Variants in SLC4A4 observed in about 807,000 individuals in gnomAD.
The protein encoded by SLC4A4 is electrogenic sodium bicarbonate cotransporter 1.
SLC4A4 carries 27 observed loss-of-function variants against 111.5 expected under a neutral mutation model. That is an observed-to-expected ratio of 0.24 (90% CI 0.18 to 0.33). The LOEUF (loss-of-function observed/expected upper bound fraction) is 0.33, where lower values mean the gene tolerates loss of function less well. Ranked by LOEUF, SLC4A4 falls within the 10% of genes least tolerant of loss-of-function variation. SLC4A4 has a pLI of 1.00. For synonymous variants in SLC4A4, 443 were observed against 463.4 expected, an observed-to-expected ratio of 0.96 and a Z score of 0.57; for missense variants, 909 against 1,315.5, an observed-to-expected ratio of 0.69 and a Z score of 4.78.
chr4:71,545,427 T>TTCCC (rs1253830990), intron 18 of SLC4A4, among the ~76,000 whole-genome samples: 1 of 152,050 alleles, frequency 6.6e-6, no homozygotes, highest in African/African-American at 2.4e-5. Flanking sequence ...GCACTGCTGC[T>TTCCC]TCCCTGCTGT....
intron 7 of SLC4A4, among the ~76,000 whole-genome samples, chr4:71,435,816 A>G (rs1724085308): frequency 6.6e-6 from 1 of 152,270 alleles, no homozygotes; most frequent in Admixed American, 6.5e-5. Context: ...AAAGCTCATC[A>G]TCACTGGTCA....
intron 2 of SLC4A4, among the ~76,000 whole-genome samples, chr4:71,168,907 A>G (rs903340912): frequency 2.6e-5 from 4 of 152,206 alleles, no homozygotes; most frequent in Non-Finnish European, 5.9e-5. Flanking sequence ...CACTGCTGCA[A>G]TAAACATGGG....
chr4:71,109,442 C>T (rs1743030448), intron 2 of SLC4A4, among the ~76,000 whole-genome samples: 1 of 152,198 alleles, frequency 6.6e-6, no homozygotes, highest in Admixed American at 6.5e-5. Flanking sequence ...ATAATGGCCA[C>T]TGCCTCCCTG....
chr4:71,345,920 C>A (rs549603101), intron 4 of SLC4A4, among the ~76,000 whole-genome samples: 3 of 151,946 alleles, frequency 2.0e-5, no homozygotes, highest in Non-Finnish European at 2.9e-5. Flanking sequence ...TCATTTTTCC[C>A]AGGTACACAC....
chr4:71,134,499 C>T (rs1743792603), intron 2 of SLC4A4, among the ~76,000 whole-genome samples: 1 of 152,218 alleles, frequency 6.6e-6, no homozygotes. Context: ...GTTTCTGTAT[C>T]CTCATTCTGG....
chr4:71,150,872 T>A (rs1744297877), intron 2 of SLC4A4, among the ~76,000 whole-genome samples: 1 of 152,144 alleles, frequency 6.6e-6, no homozygotes. Context: ...AGGTCTGGAA[T>A]CTGGGGATGT....
chr4:71,150,119 A>AAAAG (rs1484033711), intron 2 of SLC4A4, among the ~76,000 whole-genome samples: 1 of 152,188 alleles, frequency 6.6e-6, no homozygotes, highest in Non-Finnish European at 1.5e-5. Context: ...TTATGACTGA[A>AAAAG]AAAGAAAATA....
intron 6 of SLC4A4, among the ~76,000 whole-genome samples, chr4:71,391,043 G>A (rs1026090650): frequency 1.2e-4 from 18 of 151,946 alleles, no homozygotes; most frequent in African/African-American, 4.1e-4. Flanking sequence ...TGCCAACAAA[G>A]GAAGAAGAAA....
chr4:71,317,082 G>A (rs866551713), intron 3 of SLC4A4, among the ~76,000 whole-genome samples: 1 of 138,812 alleles, frequency 7.2e-6, no homozygotes, highest in African/African-American at 2.9e-5. Flanking sequence ...GTGCGTGTGT[G>A]TGTGTGTGTG....
chr4:71,090,160 T>C (rs1400767056), intron 1 of SLC4A4, among the ~76,000 whole-genome samples: 1 of 152,036 alleles, frequency 6.6e-6, no homozygotes, highest in Non-Finnish European at 1.5e-5. Flanking sequence ...GTGCTAGCAA[T>C]GAGCGAGGCT....
chr4:71,175,586 A>G (rs1023794784), intron 2 of SLC4A4, among the ~76,000 whole-genome samples: 1 of 152,208 alleles, frequency 6.6e-6, no homozygotes, highest in African/African-American at 2.4e-5. Context: ...CATTGCTAGC[A>G]CAGCAGTCTG....
chr4:71,459,921 T>C (rs1167996017), intron 12 of SLC4A4, among the ~76,000 whole-genome samples: 1 of 152,092 alleles, frequency 6.6e-6, no homozygotes, highest in Non-Finnish European at 1.5e-5. Flanking sequence ...GATTACTTAG[T>C]GAGGGTGAAT....
chr4:71,378,454 T>G lies in SLC4A4; in HGVS notation c.731-19123T>G, dbSNP rs144144564. Among the ~76,000 whole-genome samples, 654 of 152,304 alleles carry G rather than the reference T, an allele frequency of 4.3e-3. 2 individuals carry two copies. The highest frequency in any genetic ancestry group is 6.9e-3 in the Non-Finnish European group (472 of 68,018). On this transcript the variant is annotated intron_variant, in intron 6 of 25. Coordinates refer to ENST00000264485, the MANE Select transcript of SLC4A4 (RefSeq NM_001098484.3). ...AGTTCAAGGTCTACTGAAGAACTGG[T>G]GAGACTGTGGTTTTACAGGAGACTT...
chr4:71,556,520 AAAG>A (rs1261499216), intron 21 of SLC4A4, among the ~76,000 whole-genome samples: 1 of 151,992 alleles, frequency 6.6e-6, no homozygotes, highest in Non-Finnish European at 1.5e-5. Context: ...ATTTAATTAA[AAAG>A]AAGAAAAAAT....
intron 8 of SLC4A4, among the ~76,000 whole-genome samples, chr4:71,443,338 C>T (rs536898543): frequency 8.6e-5 from 13 of 151,370 alleles, no homozygotes; most frequent in South Asian, 4.2e-4. Context: ...TTTGTAGAGA[C>T]GGGGTTTCAC....
chr4:71,350,192 C>A, intron 5 of SLC4A4, 120 bp downstream of exon 5: 1 of 1,000,608 alleles, frequency 1.0e-6, no homozygotes, highest in Non-Finnish European at 1.5e-6. Flanking sequence ...TTTATTCTCT[C>A]TTTTTGCATT....
At chr4:71,274,163 T>C (rs980927979) in intron 3 of SLC4A4, among the ~76,000 whole-genome samples, 1 of 152,170 alleles carries the variant, frequency 6.6e-6, no homozygotes, top group African/African-American at 2.4e-5. Flanking sequence ...GAAAATAAAA[T>C]GTTATTAAAA....
intron 15 of SLC4A4, among the ~76,000 whole-genome samples, chr4:71,489,190 A>G (rs1219389976): frequency 6.6e-6 from 1 of 151,734 alleles, no homozygotes; most frequent in Non-Finnish European, 1.5e-5. Flanking sequence ...TATAGATGAA[A>G]CAGAGACTTA....
At chr4:71,207,117 A>G (rs1030213132) in intron 1 of SLC4A4, among the ~76,000 whole-genome samples, 1 of 152,182 alleles carries the variant, frequency 6.6e-6, no homozygotes, top group African/African-American at 2.4e-5. Context: ...CAACTGAATA[A>G]TTTTAATTTT....
Sources: gnomAD v4.1 joint callset for allele counts (sites outside exome capture counted in the v4.1 genomes callset) on GRCh38, gnomAD v4.1.1 for gene constraint, MANE v1.5 for transcripts, NCBI Gene and HGNC (gene_info 2026-07-23, HGNC 2026-07-21) for gene names.